The following XIAP variants were observed in gnomAD, a reference collection of about 807,000 sequenced individuals.
XIAP encodes the protein X-linked inhibitor of apoptosis, also known as E3 ubiquitin-protein ligase XIAP.
In XIAP, 3 loss-of-function variants were observed where a neutral mutation model predicts 33.1. The observed-to-expected ratio is 0.09, with a 90% CI of 0.04 to 0.23. XIAP has a LOEUF of 0.23. Among genes scored for constraint, XIAP ranks in the 10% least tolerant of loss-of-function variants. The probability of loss-of-function intolerance (pLI) is 1.00; values close to 1 mark genes in which losing one functional copy is unlikely to be tolerated. For synonymous variants in XIAP, 98 were observed against 121.3 expected (o/e 0.81, Z 1.26); for missense variants, 264 against 363.0 (o/e 0.73, Z 2.22).
chrX:123,898,151 C>T (rs1435044467), intron 5 of XIAP, among the ~76,000 whole-genome samples: 2 of 111,664 alleles, frequency 1.8e-5, no homozygotes, highest in African/African-American at 3.2e-5. Context: ...AAGCTCTTTG[C>T]TCTCTGTAAT....
At chrX:123,887,857 G>A (rs1569478030) in intron 2 of XIAP, among the ~76,000 whole-genome samples, 3 of 109,099 alleles carry the variant, frequency 2.7e-5, no homozygotes, top group Admixed American at 1.0e-4. Flanking sequence ...GATGGCATGC[G>A]CCTGTAGTCC....
chrX:123,912,142 CAT>C lies in XIAP; in HGVS notation c.*4967_*4968del. ...TAATATAATAGGACAATCATCAATG[CAT>C]ATATAGCCAGCCCTTCATATCTGTG... On this transcript the variant is annotated 3_prime_UTR_variant, in exon 7 of 7. Coordinates refer to ENST00000371199, the MANE Select transcript of XIAP (RefSeq NM_001167.4). 1 of 320,538 alleles carries C rather than the reference CAT, an allele frequency of 3.1e-6. No homozygotes were observed. Among genetic ancestry groups the C allele is most frequent in the Non-Finnish European group, 6.0e-6 (1 of 167,931 alleles). 26.4% of individuals were successfully genotyped at this position (320,538 alleles called of 1,213,427 possible).
chrX:123,890,542 A>T (rs1204641311), intron 3 of XIAP, among the ~76,000 whole-genome samples: 2 of 106,736 alleles, frequency 1.9e-5, no homozygotes, highest in East Asian at 3.0e-4. Flanking sequence ...AGGTAAGAGG[A>T]TCACTTGAGC....
At chrX:123,892,584 A>C (rs768312341) in intron 4 of XIAP, 147 bp from the exon 5 acceptor site, 15 of 464,284 alleles carry the variant, frequency 3.2e-5, no homozygotes, top group Non-Finnish European at 5.3e-5. Flanking sequence ...TTCTAGCTCC[A>C]TCAGGCTATG....
chrX:123,868,849 C>T (rs1049845771), intron 1 of XIAP, among the ~76,000 whole-genome samples: 45 of 112,208 alleles, frequency 4.0e-4, no homozygotes, highest in African/African-American at 1.4e-3. Context: ...GTCCATTTTG[C>T]AGGACTTGGC....
At chrX:123,896,862 G>A (rs1394872958) in intron 5 of XIAP, among the ~76,000 whole-genome samples, 2 of 109,142 alleles carry the variant, frequency 1.8e-5, no homozygotes, top group East Asian at 2.8e-4. Flanking sequence ...AATTACAGGC[G>A]TGAGCCACTG....
intron 1 of XIAP, among the ~76,000 whole-genome samples, chrX:123,871,286 A>C (rs1236084487): frequency 9.0e-6 from 1 of 111,168 alleles, no homozygotes; most frequent in Non-Finnish European, 1.9e-5. Context: ...AAAGAAAAAA[A>C]AAAGAATACT....
chrX:123,896,436 A>G (rs1266260582), intron 5 of XIAP, among the ~76,000 whole-genome samples: 16 of 110,750 alleles, frequency 1.4e-4, no homozygotes, highest in Non-Finnish European at 5.7e-5. Context: ...TCTTTTTGTT[A>G]TTGAGTTAAA....
Position 123,860,254 on chromosome X carries a change from C to G in XIAP, c.-72C>G. ...CCGGGACCCTCCCCTTGGACCGAGC[C>G]GATCGCCGCGGGGCAGTTCGGGCCG... On this transcript the variant is annotated 5_prime_UTR_variant, in exon 1 of 7. Transcript: ENST00000371199. The G allele has an allele frequency of 3.0e-6, 1 of 329,965 alleles. No homozygotes were observed. Among genetic ancestry groups the G allele is most frequent in the Non-Finnish European group, 5.9e-6 (1 of 170,068 alleles). 27.2% of individuals were successfully genotyped at this position (329,965 alleles called of 1,213,427 possible).
intron 1 of XIAP, among the ~76,000 whole-genome samples, chrX:123,864,847 GT>G (rs2053119243): frequency 1.9e-5 from 2 of 103,749 alleles, no homozygotes; most frequent in Non-Finnish European, 3.9e-5. Context: ...CACCGTGTGT[GT>G]GTGTGTGTGT....
chrX:123,908,305 A>G lies in XIAP; in HGVS notation c.*1124A>G, dbSNP rs1191895945. 9 of 368,130 alleles carry G rather than the reference A, an allele frequency of 2.4e-5. No individual in the cohort carries two copies. Among genetic ancestry groups the G allele is most frequent in the South Asian group, 2.3e-4 (9 of 38,347 alleles). 30.3% of individuals were successfully genotyped at this position (368,130 alleles called of 1,213,427 possible). On this transcript the variant is annotated 3_prime_UTR_variant, in exon 7 of 7. Coordinates refer to ENST00000371199, the MANE Select transcript of XIAP (RefSeq NM_001167.4). ...CCATGTCTTATCTTGTTTCAAAATA[A>G]GTATTTCTGATTTTGTAAAATGAAA... is the stretch of plus-strand genomic sequence containing the variant.
rs766521678 is a variant in XIAP at position 123,907,237 on chromosome X, A to T, written c.*56A>T. On this transcript the variant is annotated 3_prime_UTR_variant, in exon 7 of 7. Transcript: ENST00000371199. Reference sequence around the variant, plus strand: ...TCTTATTACCCTGATTGAATGTGTGATGTGAACTGACTTTAAGTAATCAGG... The same window carrying T: ...TCTTATTACCCTGATTGAATGTGTGTTGTGAACTGACTTTAAGTAATCAGG... 3.9e-6 allele frequency: 4 copies of T among 1,036,619 alleles called. No homozygotes were observed. The Admixed American group carries it at 7.0e-5, about 18-fold the overall frequency. 85.4% of individuals were successfully genotyped at this position (1,036,619 alleles called of 1,213,427 possible).
chrX:123,867,473 A>T lies in XIAP; in HGVS notation c.-33+7180A>T, dbSNP rs779027998. On this transcript the variant is annotated intron_variant, in intron 1 of 6. Transcript: ENST00000371199. ...CACTGCATCTCCGCCTCCTGGGTTC[A>T]AGTGATTCTCCTGCCTGAGCCTCCT... Among the ~76,000 whole-genome samples, 25 of 107,463 alleles carry T rather than the reference A, an allele frequency of 2.3e-4. No homozygotes were observed. The Admixed American group carries it at 2.5e-3, about 11-fold the overall frequency. The allele number at this position is 107,463 out of a possible 115,157, so 93.3% of individuals were successfully genotyped here.
Position 123,911,897 on chromosome X carries a change from C to A in XIAP, c.*4716C>A. On this transcript the variant is annotated 3_prime_UTR_variant, in exon 7 of 7. Transcript: ENST00000371199. ...GGCTGGAAGTGACCTTAGAGAGTAT[C>A]CAGTTCTTTCATTTTACAGGTGAGG... The A allele has an allele frequency of 3.0e-6, 1 of 328,560 alleles. No individual in the cohort carries two copies. The highest frequency in any genetic ancestry group is 5.9e-6 in the Non-Finnish European group (1 of 169,842). 27.1% of individuals were successfully genotyped at this position (328,560 alleles called of 1,213,427 possible).
intron 3 of XIAP, 91 bp downstream of exon 3, chrX:123,888,809 C>A: frequency 1.3e-6 from 1 of 788,469 alleles, no homozygotes; most frequent in Non-Finnish European, 1.9e-6. Context: ...TTTTTGCCTT[C>A]ACTATGGCTT....
intron 1 of XIAP, among the ~76,000 whole-genome samples, chrX:123,877,529 T>C (rs2053257036): frequency 8.9e-6 from 1 of 112,369 alleles, no homozygotes; most frequent in East Asian, 2.8e-4. Flanking sequence ...CTCCTAAAAA[T>C]AGTAATTGGC....
rs1423638088 is a variant in XIAP, at chrX:123,912,822, T to A, written c.*5641T>A. 1 of 318,968 alleles carries A rather than the reference T, an allele frequency of 3.1e-6. No individual in the cohort carries two copies. Among genetic ancestry groups the A allele is most frequent in the Non-Finnish European group, 6.0e-6 (1 of 166,314 alleles). 26.3% of individuals were successfully genotyped at this position (318,968 alleles called of 1,213,427 possible). A position where few individuals can be genotyped will look rare whatever the true frequency, so the allele number is the denominator to read the frequency against. On this transcript the variant is annotated 3_prime_UTR_variant, in exon 7 of 7. Transcript: ENST00000371199. The stretch of plus-strand genomic sequence containing the variant: ...CATGCTCCACGGTGCCCAGTTAATT[T>A]TTTTTGTATTCTTAGTAGAGACAGG...
intron 1 of XIAP, among the ~76,000 whole-genome samples, chrX:123,883,327 G>A (rs746589346): frequency 1.5e-3 from 162 of 110,539 alleles, no homozygotes; most frequent in African/African-American, 5.0e-3. Context: ...CAAGTTATCC[G>A]GCCACCTTGG....
chrX:123,868,679 T>C lies in XIAP; in HGVS notation c.-33+8386T>C, dbSNP rs760979745. Among the ~76,000 whole-genome samples, 21 of 111,071 alleles carry C rather than the reference T, an allele frequency of 1.9e-4. 1 individual carries two copies. The South Asian group carries it at 7.2e-3, about 38-fold the overall frequency. On this transcript the variant is annotated intron_variant, in intron 1 of 6. Transcript: ENST00000371199. Reference sequence around the variant, plus strand: ...CCCAGGAGGTGGAGGTTGCAGTGAGTCAAGATCAGGGCACCCCATTCCAGC... The same window carrying C: ...CCCAGGAGGTGGAGGTTGCAGTGAGCCAAGATCAGGGCACCCCATTCCAGC...
Sources: gnomAD v4.1 joint callset for allele counts (sites outside exome capture counted in the v4.1 genomes callset) on GRCh38, gnomAD v4.1.1 for gene constraint, MANE v1.5 for transcripts, NCBI Gene and HGNC (gene_info 2026-07-23, HGNC 2026-07-21) for gene names.